NR2F1-AS1: variants seen among roughly 807,000 people sequenced by gnomAD.
NR2F1-AS1 encodes the protein NR2F1 antisense RNA 1.
intron 4 of NR2F1-AS1, among the ~76,000 whole-genome samples, chr5:93,520,972 C>G (rs1751488930): frequency 6.6e-6 from 1 of 152,088 alleles, no homozygotes; most frequent in Admixed American, 6.6e-5. Flanking sequence ...TAAACACCCA[C>G]TAAGAGTCAA....
intron 4 of NR2F1-AS1, among the ~76,000 whole-genome samples, chr5:93,528,865 A>G (rs1271059828): frequency 6.9e-6 from 1 of 145,130 alleles, no homozygotes; most frequent in Non-Finnish European, 1.5e-5. Flanking sequence ...ACATGGACAC[A>G]TGGAGGGGAA....
chr5:93,522,310 G>T (rs574629707), intron 4 of NR2F1-AS1, among the ~76,000 whole-genome samples: 1 of 152,188 alleles, frequency 6.6e-6, no homozygotes, highest in Non-Finnish European at 1.5e-5. Context: ...CCTGTGACAT[G>T]AGTTCACCTA....
intron 4 of NR2F1-AS1, among the ~76,000 whole-genome samples, chr5:93,489,670 T>G (rs1304786242): frequency 6.6e-6 from 1 of 152,058 alleles, no homozygotes; most frequent in Admixed American, 6.6e-5. Flanking sequence ...AAAAGAAACC[T>G]CTAAAAAGCA....
intron 4 of NR2F1-AS1, among the ~76,000 whole-genome samples, chr5:93,537,271 C>T (rs1751858757): frequency 6.6e-6 from 1 of 152,014 alleles, no homozygotes; most frequent in Admixed American, 6.6e-5. Context: ...AGACCTTAAA[C>T]ATATAGGCAA....
intron 4 of NR2F1-AS1, chr5:93,438,840 CT>C (rs1271159499): frequency 6.6e-6 from 1 of 152,202 alleles, no homozygotes; most frequent in Non-Finnish European, 1.5e-5. Flanking sequence ...GTGCTATGGC[CT>C]AGAAGGAGCA....
Position 93,445,506 on chromosome 5 carries a change from G to A in NR2F1-AS1, n.639-49964C>T, listed in dbSNP as rs368456218. ...CCCAAGACTAAACCAGGAAGAAGTT[G>A]AATCCCTGAATAGACCAACAACAGG... is the stretch of plus-strand genomic sequence containing the variant. On this transcript the variant is annotated intron_variant and non_coding_transcript_variant, in intron 4 of 5. Transcript: ENST00000660523. 3.3e-5 allele frequency among the ~76,000 whole-genome samples: 5 copies of A among 151,838 alleles called. No homozygotes were observed. The East Asian group carries it at 9.6e-4, about 29-fold the overall frequency.
intron 3 of NR2F1-AS1, among the ~76,000 whole-genome samples, chr5:93,554,484 C>A (rs539697389): frequency 5.1e-4 from 77 of 152,192 alleles, no homozygotes; most frequent in Non-Finnish European, 1.0e-3. Flanking sequence ...GTTGAATCTC[C>A]TTCATAAAGC....
chr5:93,441,149 A>G (rs1749560007), intron 4 of NR2F1-AS1, among the ~76,000 whole-genome samples: 1 of 152,224 alleles, frequency 6.6e-6, no homozygotes, highest in South Asian at 2.1e-4. Context: ...TGTAATCTCT[A>G]CATAAATCAA....
At position 93,444,468 on chromosome 5, in the gene NR2F1-AS1, T is replaced by G. The variant is rs546192705; in HGVS notation, n.639-48926A>C. Among the ~76,000 whole-genome samples the G allele has an allele frequency of 2.6e-5, 4 of 152,092 alleles. No homozygotes were observed. In the East Asian group the frequency reaches 5.8e-4, roughly 22 times the overall value. On this transcript the variant is annotated intron_variant and non_coding_transcript_variant, in intron 4 of 5. Coordinates refer to ENST00000660523, the Ensembl canonical transcript of NR2F1-AS1. ...GAGACAAACAAGGCCATTATATAAT[T>G]GTAAAGGGATCAATTCGACAAGAAG...
rs1404173026 is a variant in NR2F1-AS1 at position 93,579,333 on chromosome 5, C to T, written n.313+1134G>A. On this transcript the variant is annotated intron_variant and non_coding_transcript_variant, in intron 1 of 5. Coordinates refer to ENST00000660523, the Ensembl canonical transcript of NR2F1-AS1. This position sits in a 1 kb window ranked among gnomAD's most constrained non-coding sequence, Gnocchi z 5.1. Reference sequence around the variant, plus strand: ...CTAGGACAGGGGACTTCACCCTCCTCCTTCCTTCCGGAGGAGCCCGCGGCT... The same window carrying T: ...CTAGGACAGGGGACTTCACCCTCCTTCTTCCTTCCGGAGGAGCCCGCGGCT... Among the ~76,000 whole-genome samples, 4 of 152,268 alleles carry T rather than the reference C, an allele frequency of 2.6e-5. No homozygotes were observed. Among genetic ancestry groups the T allele is most frequent in the Middle Eastern group, 6.8e-3 (2 of 294 alleles).
At chr5:93,534,546 C>A (rs1238402965) in intron 4 of NR2F1-AS1, among the ~76,000 whole-genome samples, 1 of 151,958 alleles carries the variant, frequency 6.6e-6, no homozygotes, top group African/African-American at 2.4e-5. Flanking sequence ...AAAATAAATC[C>A]CATTTTCCAT....
chr5:93,479,413 G>T (rs1750554105), intron 4 of NR2F1-AS1, among the ~76,000 whole-genome samples: 1 of 152,164 alleles, frequency 6.6e-6, no homozygotes, highest in African/African-American at 2.4e-5. Context: ...TGTGCTGACT[G>T]ACCATGAAGA....
chr5:93,453,166 A>C (rs1234363787), intron 4 of NR2F1-AS1, among the ~76,000 whole-genome samples: 2 of 152,066 alleles, frequency 1.3e-5, no homozygotes, highest in African/African-American at 2.4e-5. Context: ...TATAAAATAT[A>C]AAATGAAAAT....
chr5:93,427,438 G>A (rs767184891), intron 4 of NR2F1-AS1, among the ~76,000 whole-genome samples: 4 of 152,044 alleles, frequency 2.6e-5, no homozygotes, highest in East Asian at 1.9e-4. Context: ...TCTGCACTTC[G>A]GGAGCACTAA....
chr5:93,438,718 G>A (rs31469), intron 4 of NR2F1-AS1: 109,752 of 152,080 alleles, frequency 0.72, 40,069 homozygotes, highest in East Asian at 0.85. Context: ...ATGTTTCTTG[G>A]AATTCCATTT....
intron 4 of NR2F1-AS1, among the ~76,000 whole-genome samples, chr5:93,534,791 T>G (rs745525619): frequency 7.9e-4 from 120 of 152,136 alleles, no homozygotes; most frequent in Non-Finnish European, 4.7e-4. Flanking sequence ...TTTAAAAACC[T>G]CTATTGGTCC....
intron 4 of NR2F1-AS1, among the ~76,000 whole-genome samples, chr5:93,474,581 T>C (rs540322825): frequency 6.6e-6 from 1 of 152,314 alleles, no homozygotes; most frequent in South Asian, 2.1e-4. Context: ...GGTGAGGGCC[T>C]GCTTCCTAAC....
intron 4 of NR2F1-AS1, among the ~76,000 whole-genome samples, chr5:93,540,019 A>G (rs1180447579): frequency 6.6e-6 from 1 of 152,202 alleles, no homozygotes; most frequent in South Asian, 2.1e-4. Context: ...CAAAAAAGCA[A>G]ATCACTTGGC....
At chr5:93,486,021 C>T (rs1170584850) in intron 4 of NR2F1-AS1, among the ~76,000 whole-genome samples, 3 of 130,798 alleles carry the variant, frequency 2.3e-5, no homozygotes, top group South Asian at 5.5e-4. Flanking sequence ...GAACAAAAAA[C>T]CAAACACCGC....
Sources: allele counts gnomAD v4.1 joint callset (sites outside exome capture counted in the v4.1 genomes callset), GRCh38; gene constraint gnomAD v4.1.1; non-coding constraint Gnocchi (gnomAD v3.1); transcripts MANE v1.5; gene names NCBI Gene and HGNC (gene_info 2026-07-23, HGNC 2026-07-21).